The following ADAM10 variants were observed in gnomAD, a reference collection of about 807,000 sequenced individuals.
ADAM10 encodes ADAM metallopeptidase domain 10.
A neutral mutation model predicts 90.1 loss-of-function variants in ADAM10; 17 were observed. That is an observed-to-expected ratio of 0.19 (90% CI 0.13 to 0.28). The LOEUF (loss-of-function observed/expected upper bound fraction) is 0.28, where lower values mean the gene tolerates loss of function less well. Among genes scored for constraint, ADAM10 ranks in the 10% least tolerant of loss-of-function variants. The probability of loss-of-function intolerance (pLI) is 1.00; values close to 1 mark genes in which losing one functional copy is unlikely to be tolerated. For synonymous variants in ADAM10, 310 were observed against 298.6 expected, an observed-to-expected ratio of 1.04 and a Z score of -0.40; for missense variants, 610 against 914.3, an observed-to-expected ratio of 0.67 and a Z score of 4.29.
Position 58,597,018 on chromosome 15 carries a change from A to T in ADAM10, c.*529T>A, listed in dbSNP as rs200791690. On this transcript the variant is annotated 3_prime_UTR_variant, in exon 16 of 16. Coordinates refer to ENST00000260408, the MANE Select transcript of ADAM10 (RefSeq NM_001110.4). ...TAAGAGCGGAAAAATTTTATAATAC[A>T]AAGAAACATCCATATTGCAATTTCT... The T allele has an allele frequency of 3.5e-5, 6 of 172,258 alleles. No individual in the cohort carries two copies. Among genetic ancestry groups the T allele is most frequent in the Non-Finnish European group, 6.3e-5 (5 of 79,626 alleles). The allele number at this position is 172,258 out of a possible 1,614,324, so 10.7% of individuals were successfully genotyped here. A position where few individuals can be genotyped will look rare whatever the true frequency, so the allele number is the denominator to read the frequency against.
At chr15:58,661,760 T>C (rs149160761) in intron 5 of ADAM10, among the ~76,000 whole-genome samples, 13 of 152,314 alleles carry the variant, frequency 8.5e-5, no homozygotes, top group African/African-American at 3.1e-4. Flanking sequence ...CTGCTGGACG[T>C]CAATTATTTT....
chr15:58,624,008 G>A (rs1306272065), intron 10 of ADAM10, among the ~76,000 whole-genome samples: 1 of 149,274 alleles, frequency 6.7e-6, no homozygotes, highest in African/African-American at 2.5e-5. Context: ...GGGGGGGCCA[G>A]GCGAGGTGGC....
At chr15:58,611,248 T>C in intron 12 of ADAM10, 141 bp from the exon 13 acceptor site, 1 of 680,574 alleles carries the variant, frequency 1.5e-6, no homozygotes. Context: ...GAGATGAGTA[T>C]CAAAACTGAA....
At chr15:58,662,552 C>A (rs1896994251) in intron 5 of ADAM10, among the ~76,000 whole-genome samples, 1 of 152,072 alleles carries the variant, frequency 6.6e-6, no homozygotes, top group Non-Finnish European at 1.5e-5. Context: ...GGCTAGTTTG[C>A]CCAGGCTGGT....
At position 58,627,623 on chromosome 15, in the gene ADAM10, TA is replaced by T. The variant is rs1402505216; in HGVS notation, c.1360+76del. On this transcript the variant is annotated intron_variant, in intron 10 of 15. Transcript: ENST00000260408. ...AAAATGCAGGTGGTGGGTATGTCAG[TA>T]ATCACTATAGAATTCTTTCAAGTTG... The T allele has an allele frequency of 3.8e-6, 5 of 1,309,802 alleles. No homozygotes were observed. The East Asian group carries it at 1.2e-4, about 30-fold the overall frequency. The allele number at this position is 1,309,802 out of a possible 1,614,324, so 81.1% of individuals were successfully genotyped here. A position where few individuals can be genotyped will look rare whatever the true frequency, so the allele number is the denominator to read the frequency against.
At position 58,640,835 on chromosome 15, in the gene ADAM10, G is replaced by T; in HGVS notation, c.954C>A (p.Phe318Leu). 1 of 1,614,134 alleles carries T rather than the reference G, an allele frequency of 6.2e-7. No individual in the cohort carries two copies. The highest frequency in any genetic ancestry group is 1.1e-5 in the South Asian group (1 of 91,080). ...NHDDYCLAYV[F>L]TDRDFDDGVL... is the part of the protein sequence containing the mutation. ...CGCCATCATCAAAATCTCGGTCTGT[G>T]AAGACATAGGCCAAACAGTAGTCAT... The change falls in exon 8 of 16, where the codon TTC becomes TTA. Residue 318 changes from phenylalanine (F) to leucine (L), a missense_variant. This residue lies in a region of ADAM10 where 97 missense variants were observed against 221.4 expected (regional missense o/e 0.44). Coordinates refer to ENST00000260408, the MANE Select transcript of ADAM10 (RefSeq NM_001110.4).
At chr15:58,673,013 C>A (rs1897233913) in intron 4 of ADAM10, 1 of 210,268 alleles carries the variant, frequency 4.8e-6, no homozygotes, top group Non-Finnish European at 1.0e-5. Context: ...TAAAGAAAAA[C>A]CTTTAAAGGT....
At chr15:58,694,017 A>T (rs1897903215) in intron 2 of ADAM10, among the ~76,000 whole-genome samples, 1 of 152,246 alleles carries the variant, frequency 6.6e-6, no homozygotes, top group Non-Finnish European at 1.5e-5. Context: ...ATAATATATT[A>T]TCACATACCC....
At chr15:58,603,288 A>T (rs372842945) in intron 14 of ADAM10, among the ~76,000 whole-genome samples, 4 of 152,158 alleles carry the variant, frequency 2.6e-5, no homozygotes, top group Non-Finnish European at 4.4e-5. Context: ...GGCCACCCTC[A>T]GTCTGTCAAA....
At chr15:58,707,775 A>G (rs906369233) in intron 2 of ADAM10, among the ~76,000 whole-genome samples, 11 of 152,210 alleles carry the variant, frequency 7.2e-5, no homozygotes, top group Non-Finnish European at 1.5e-4. Flanking sequence ...CAAGTAAACT[A>G]CTATGTATAA....
intron 2 of ADAM10, among the ~76,000 whole-genome samples, chr15:58,705,893 T>C (rs923041549): frequency 6.6e-6 from 1 of 152,182 alleles, no homozygotes. Flanking sequence ...CTTTTGTTAT[T>C]TGTTATTGTT....
chr15:58,717,843 C>G, intron 1 of ADAM10, 116 bp from the exon 2 acceptor site: 1 of 1,412,326 alleles, frequency 7.1e-7, no homozygotes, highest in East Asian at 2.5e-5. Context: ...CTAATCCCAG[C>G]ACTATTATGA....
intron 2 of ADAM10, among the ~76,000 whole-genome samples, chr15:58,683,222 A>G (rs1277975178): frequency 2.0e-5 from 3 of 152,230 alleles, no homozygotes; most frequent in African/African-American, 7.2e-5. Flanking sequence ...TATAATTGTG[A>G]ACATAATAGA....
intron 3 of ADAM10, among the ~76,000 whole-genome samples, chr15:58,681,340 A>G (rs1019087424): frequency 2.6e-5 from 4 of 152,214 alleles, no homozygotes; most frequent in African/African-American, 9.6e-5. Context: ...TTTAATGATT[A>G]GGTTTATTCT....
chr15:58,606,551 T>C (rs1345327442), intron 14 of ADAM10, among the ~76,000 whole-genome samples: 2 of 152,252 alleles, frequency 1.3e-5, no homozygotes, highest in Non-Finnish European at 2.9e-5. Flanking sequence ...TATATCTTTG[T>C]TGTTAAAGTT....
rs113236681 is a variant in ADAM10 at position 58,621,464 on chromosome 15, A to G, written c.1511+7T>C. ...GAATGTTAACATCACTGAAATTAGC[A>G]AGGTACCTGCACTGTTTCCCAGGTT... is the stretch of plus-strand genomic sequence containing the variant. On this transcript the variant is annotated splice_region_variant and intron_variant, in intron 11 of 15. Coordinates refer to ENST00000260408, the MANE Select transcript of ADAM10 (RefSeq NM_001110.4). The G allele has an allele frequency of 2.7e-3, 4,334 of 1,613,958 alleles. 105 individuals carry two copies. The African/African-American group carries it at 0.048, about 18-fold the overall frequency.
chr15:58,707,763 G>C (rs1898350771), intron 2 of ADAM10, among the ~76,000 whole-genome samples: 1 of 152,122 alleles, frequency 6.6e-6, no homozygotes, highest in African/African-American at 2.4e-5. Context: ...TTAAATAATT[G>C]GCAAGTAAAC....
chr15:58,614,598 A>T (rs893944915), intron 11 of ADAM10, among the ~76,000 whole-genome samples: 4 of 152,178 alleles, frequency 2.6e-5, no homozygotes, highest in Non-Finnish European at 5.9e-5. Flanking sequence ...CTCATTTCTG[A>T]AGGATAGTTT....
At chr15:58,647,848 T>C (rs1218566454) in intron 5 of ADAM10, among the ~76,000 whole-genome samples, 1 of 152,184 alleles carries the variant, frequency 6.6e-6, no homozygotes, top group Non-Finnish European at 1.5e-5. Flanking sequence ...CCACTGTGCC[T>C]GGCCTCAATT....
Sources: allele counts gnomAD v4.1 joint callset (sites outside exome capture counted in the v4.1 genomes callset), GRCh38; gene constraint gnomAD v4.1.1; regional missense constraint gnomAD v4.1.1; transcripts MANE v1.5; gene names NCBI Gene and HGNC (gene_info 2026-07-23, HGNC 2026-07-21).